Variants in RALYL observed in about 807,000 individuals in gnomAD.
RALYL encodes the protein RNA-binding Raly-like protein.
RALYL carries 29 observed loss-of-function variants against 35.1 expected under a neutral mutation model. That is an observed-to-expected ratio of 0.83 (90% CI 0.61 to 1.13). The LOEUF (loss-of-function observed/expected upper bound fraction) is 1.13. RALYL is among the 50% of genes most tolerant of loss of function. The probability of loss-of-function intolerance (pLI) is 0.00; values close to 1 mark genes in which losing one functional copy is unlikely to be tolerated. For synonymous variants in RALYL, 120 were observed against 127.6 expected (o/e 0.94, Z 0.40); for missense variants, 359 against 360.4 (o/e 1.00, Z 0.03).
chr8:84,594,321 C>T (rs554985839), intron 2 of RALYL, among the ~76,000 whole-genome samples: 1 of 151,966 alleles, frequency 6.6e-6, no homozygotes, highest in Admixed American at 6.6e-5. Flanking sequence ...AATCATGTTG[C>T]CTAGCATATA....
chr8:84,415,757 A>ATTAC (rs151335512), intron 1 of RALYL, among the ~76,000 whole-genome samples: 4,457 of 152,288 alleles, frequency 0.029, 215 homozygotes, highest in African/African-American at 0.1. Context: ...ATAGTACTTA[A>ATTAC]TTAATATGTA....
chr8:84,859,725 C>T (rs1290643440), intron 5 of RALYL, among the ~76,000 whole-genome samples: 1 of 152,024 alleles, frequency 6.6e-6, no homozygotes, highest in Non-Finnish European at 1.5e-5. Context: ...CGGTGGCATG[C>T]AGTAGTCCCA....
chr8:84,447,736 T>C (rs2049004634), intron 1 of RALYL, among the ~76,000 whole-genome samples: 1 of 152,078 alleles, frequency 6.6e-6, no homozygotes, highest in South Asian at 2.1e-4. Context: ...CTGGTTCTGA[T>C]TGCTCAGGCA....
chr8:84,861,793 G>T (rs1838156231), intron 5 of RALYL, among the ~76,000 whole-genome samples: 1 of 152,176 alleles, frequency 6.6e-6, no homozygotes, highest in Non-Finnish European at 1.5e-5. Flanking sequence ...TTTTCTTGAA[G>T]CTGGTTTTAC....
At chr8:84,538,284 A>T (rs1446006645) in intron 2 of RALYL, among the ~76,000 whole-genome samples, 1 of 152,172 alleles carries the variant, frequency 6.6e-6, no homozygotes, top group African/African-American at 2.4e-5. Flanking sequence ...TAAAACTATC[A>T]TTGGAAACTT....
intron 1 of RALYL, among the ~76,000 whole-genome samples, chr8:84,420,379 T>G (rs990855977): frequency 6.6e-6 from 1 of 152,172 alleles, no homozygotes; most frequent in Admixed American, 6.5e-5. Context: ...CTTCACCCAC[T>G]TTTTGATGGC....
At chr8:84,621,318 G>T (rs946164674) in intron 2 of RALYL, among the ~76,000 whole-genome samples, 2 of 152,140 alleles carry the variant, frequency 1.3e-5, no homozygotes, top group African/African-American at 2.4e-5. Flanking sequence ...TTTTAAGCCC[G>T]TCGGAAAAGC....
rs1238983483 is a variant in RALYL at position 84,350,701 on chromosome 8, A to C, written c.-24+166277A>C. The stretch of plus-strand genomic sequence containing the variant: ...TCATTATTATTGGGACAATACTGCC[A>C]AATAAGCAAAACACAAATAAAACTG... On this transcript the variant is annotated intron_variant, in intron 1 of 8. Transcript: ENST00000521268. Among the ~76,000 whole-genome samples, 5 of 150,436 alleles carry C rather than the reference A, an allele frequency of 3.3e-5. No homozygotes were observed. In the South Asian group the frequency reaches 6.3e-4, roughly 19 times the overall value.
chr8:84,816,323 G>C (rs961553262), intron 4 of RALYL, among the ~76,000 whole-genome samples: 1 of 152,086 alleles, frequency 6.6e-6, no homozygotes, highest in Non-Finnish European at 1.5e-5. Flanking sequence ...AGCACCAAAG[G>C]AAACTTTCCA....
At chr8:84,559,304 A>T (rs1188436834) in intron 2 of RALYL, among the ~76,000 whole-genome samples, 1 of 152,210 alleles carries the variant, frequency 6.6e-6, no homozygotes, top group African/African-American at 2.4e-5. Flanking sequence ...CATTAAAATA[A>T]TTATACTTAG....
At chr8:84,833,531 G>A (rs1327959946) in intron 4 of RALYL, among the ~76,000 whole-genome samples, 2 of 151,766 alleles carry the variant, frequency 1.3e-5, no homozygotes, top group African/African-American at 4.8e-5. Flanking sequence ...CCAGCTACTC[G>A]GGAGGCTGAG....
chr8:84,481,816 G>T (rs984925258), intron 1 of RALYL, among the ~76,000 whole-genome samples: 1 of 152,024 alleles, frequency 6.6e-6, no homozygotes, highest in Non-Finnish European at 1.5e-5. Context: ...GAAGGCCAAG[G>T]ATGAGATTTC....
At chr8:84,840,417 GA>G (rs1832988551) in intron 4 of RALYL, among the ~76,000 whole-genome samples, 1 of 151,986 alleles carries the variant, frequency 6.6e-6, no homozygotes, top group South Asian at 2.1e-4. Context: ...GAAGTTTAGA[GA>G]AAAAAGAAAA....
intron 1 of RALYL, among the ~76,000 whole-genome samples, chr8:84,218,470 T>C (rs990871312): frequency 1.3e-5 from 2 of 152,098 alleles, no homozygotes; most frequent in African/African-American, 4.8e-5. Flanking sequence ...TGTTCAGAGC[T>C]GTTAAAATGT....
At chr8:84,702,381 T>A (rs1404519387) in intron 2 of RALYL, among the ~76,000 whole-genome samples, 1 of 152,164 alleles carries the variant, frequency 6.6e-6, no homozygotes. Flanking sequence ...ACTATGTAAG[T>A]CATGCTGTGT....
chr8:84,554,132 G>C (rs192787467), intron 2 of RALYL, among the ~76,000 whole-genome samples: 1 of 152,180 alleles, frequency 6.6e-6, no homozygotes, highest in East Asian at 1.9e-4. Flanking sequence ...TAGTAGTTTT[G>C]TAATAACAAA....
intron 1 of RALYL, among the ~76,000 whole-genome samples, chr8:84,303,919 G>A (rs1226256021): frequency 6.6e-6 from 1 of 151,766 alleles, no homozygotes; most frequent in Non-Finnish European, 1.5e-5. Context: ...GAATTCTATT[G>A]ATAAAATATA....
At chr8:84,855,753 C>T (rs1836836570) in intron 5 of RALYL, among the ~76,000 whole-genome samples, 1 of 152,154 alleles carries the variant, frequency 6.6e-6, no homozygotes, top group Non-Finnish European at 1.5e-5. Context: ...AATCCAACCT[C>T]TTTTTTCAAT....
chr8:84,714,767 A>G (rs369130326), intron 2 of RALYL, among the ~76,000 whole-genome samples: 28 of 151,904 alleles, frequency 1.8e-4, no homozygotes, highest in South Asian at 6.2e-4. Flanking sequence ...TAAATCTAAT[A>G]AATACCAGCT....
Sources: gnomAD v4.1 joint callset for allele counts (sites outside exome capture counted in the v4.1 genomes callset) on GRCh38, gnomAD v4.1.1 for gene constraint, MANE v1.5 for transcripts, NCBI Gene and HGNC (gene_info 2026-07-23, HGNC 2026-07-21) for gene names.